CDCA7L: variants seen among roughly 807,000 people sequenced by gnomAD.
CDCA7L encodes cell division cycle-associated 7-like protein.
Under a neutral mutation model 57.4 loss-of-function variants are expected in CDCA7L, and 44 were observed. The ratio of observed to expected loss-of-function variants is 0.77; its 90% CI spans 0.60 to 0.98. The LOEUF is 0.98. CDCA7L is among the 50% of genes least tolerant of loss of function. The pLI is 0.00. For missense variants in CDCA7L, 644 were observed against 580.6 expected, an observed-to-expected ratio of 1.11 and a Z score of -1.12; for synonymous variants, 236 against 202.8, an observed-to-expected ratio of 1.16 and a Z score of -1.39.
intron 1 of CDCA7L, among the ~76,000 whole-genome samples, chr7:21,934,883 C>A (rs1786118250): frequency 6.6e-6 from 1 of 152,156 alleles, no homozygotes; most frequent in African/African-American, 2.4e-5. Flanking sequence ...AATATATACA[C>A]ACACCAAACA....
At chr7:21,913,085 A>T (rs2128060544) in intron 2 of CDCA7L, among the ~76,000 whole-genome samples, 1 of 152,180 alleles carries the variant, frequency 6.6e-6, no homozygotes, top group South Asian at 2.1e-4. Flanking sequence ...CTTGGCGGGG[A>T]ATCTGTATCT....
intron 8 of CDCA7L, chr7:21,903,696 GGTAACA>G (rs1785026107): frequency 8.4e-6 from 1 of 118,706 alleles, no homozygotes; most frequent in African/African-American, 3.7e-5. Flanking sequence ...ACAAATTTAT[GGTAACA>G]GAGTGAGCGA....
At chr7:21,925,965 A>G (rs1469373431) in intron 1 of CDCA7L, among the ~76,000 whole-genome samples, 5 of 152,180 alleles carry the variant, frequency 3.3e-5, no homozygotes, top group Non-Finnish European at 5.9e-5. Context: ...ACAGCCAGAC[A>G]CAGAGGCACA....
intron 1 of CDCA7L, among the ~76,000 whole-genome samples, chr7:21,928,671 A>G (rs1218574314): frequency 6.6e-6 from 1 of 151,890 alleles, no homozygotes; most frequent in East Asian, 1.9e-4. Flanking sequence ...AAGTATCAAT[A>G]GCCAAATCGA....
intron 1 of CDCA7L, among the ~76,000 whole-genome samples, chr7:21,918,686 G>C (rs1785564277): frequency 7.2e-6 from 1 of 139,090 alleles, no homozygotes; most frequent in Non-Finnish European, 1.6e-5. Context: ...TAGTTGGCTT[G>C]CTTTTGCCAA....
chr7:21,904,435 C>T (rs1785064413), intron 7 of CDCA7L, among the ~76,000 whole-genome samples, 176 bp from the exon 8 acceptor site: 1 of 152,190 alleles, frequency 6.6e-6, no homozygotes, highest in Non-Finnish European at 1.5e-5. Flanking sequence ...CCCCAGCCCC[C>T]AGGCTAGAAC....
In CDCA7L at chr7:21,905,521, G is replaced by T. The variant is rs770133053; in HGVS notation, c.1032C>A (p.Ile344=). The T allele has an allele frequency of 6.2e-7, 1 of 1,613,482 alleles. No homozygotes were observed. The highest frequency in any genetic ancestry group is 1.7e-5 in the Admixed American group (1 of 59,990). Residue 344 remains isoleucine, a synonymous_variant, in exon 7 of 10, where the codon ATC becomes ATA. Transcript: ENST00000406877. ...ENVAITVRDK[I]YDKVLGNTCH... The stretch of plus-strand genomic sequence containing the variant: ...TATACTTTACCAGAACTTTATCATA[G>T]ATTTTATCTCGAACAGTTATGGCAA...
intron 1 of CDCA7L, among the ~76,000 whole-genome samples, chr7:21,939,510 TG>T (rs1185141560): frequency 5.3e-5 from 8 of 152,294 alleles, no homozygotes; most frequent in Non-Finnish European, 7.4e-5. Flanking sequence ...GGGAGTGAAG[TG>T]AACCAAATCA....
rs1468481654 is a variant in CDCA7L at position 21,901,260 on chromosome 7, C to T, written c.*1062G>A. 3 of 1,596,876 alleles carry T rather than the reference C, an allele frequency of 1.9e-6. No homozygotes were observed. Among genetic ancestry groups the T allele is most frequent in the South Asian group, 2.3e-5 (2 of 87,360 alleles). On this transcript the variant is annotated 3_prime_UTR_variant, in exon 10 of 10. Coordinates refer to ENST00000406877, the MANE Select transcript of CDCA7L (RefSeq NM_018719.5). ...CTCTGCTTCTAGAAGCGTAAGGTAA[C>T]ACTGGCATTCCTCTAGCCTCTGCTG...
At position 21,901,254 on chromosome 7, in the gene CDCA7L, A is replaced by AGGTAACACTGGCATTCCTCT; in HGVS notation, c.*1048_*1067dup. On this transcript the variant is annotated 3_prime_UTR_variant, in exon 10 of 10. Coordinates refer to ENST00000406877, the MANE Select transcript of CDCA7L (RefSeq NM_018719.5). ...GAGTGGCTCTGCTTCTAGAAGCGTAAGGTAACACTGGCATTCCTCTAGCCT... is the reference window on the plus strand; with the variant it reads ...GAGTGGCTCTGCTTCTAGAAGCGTAAGGTAACACTGGCATTCCTCTGGTAACACTGGCATTCCTCTAGCCT... 6.2e-7 allele frequency: 1 copy of AGGTAACACTGGCATTCCTCT among 1,600,572 alleles called. No homozygotes were observed.
intron 1 of CDCA7L, among the ~76,000 whole-genome samples, chr7:21,936,694 CAACT>C (rs1334497506): frequency 1.3e-5 from 2 of 151,684 alleles, no homozygotes; most frequent in African/African-American, 2.4e-5. Context: ...GAAAAACCCG[CAACT>C]AACAAGATAC....
Position 21,902,999 on chromosome 7 carries a change from T to C in CDCA7L, c.1313A>G (p.Asn438Ser). The change falls in exon 9 of 10, where the codon AAT (asparagine) becomes AGT (serine). Residue 438 changes from asparagine (N) to serine (S), a missense_variant. Physicochemically the swap from Asn to Ser is conservative, Grantham distance 46. Transcript: ENST00000406877. Reference protein sequence around the residue: ...IHLAKFYGYDNVKEYLESLQK... With the variant: ...IHLAKFYGYDSVKEYLESLQK... ...TTACCTCTCCAGATATTCCTTAACATTGTCATAACCATAAAACTTGGCCAG... is the reference window on the plus strand; with the variant it reads ...TTACCTCTCCAGATATTCCTTAACACTGTCATAACCATAAAACTTGGCCAG... The C allele has an allele frequency of 6.2e-7, 1 of 1,614,088 alleles. No homozygotes were observed. The highest frequency in any genetic ancestry group is 2.2e-5 in the East Asian group (1 of 44,884).
chr7:21,914,449 C>T (rs1317891398), intron 2 of CDCA7L, among the ~76,000 whole-genome samples: 2 of 152,004 alleles, frequency 1.3e-5, no homozygotes, highest in Non-Finnish European at 2.9e-5. Context: ...ATATGGCACA[C>T]GGAGGGAAAG....
intron 8 of CDCA7L, 99 bp downstream of exon 8, chr7:21,904,011 T>TGGAGCTCCCTAGTTCCCAGTGAGAACCAG (rs1216138901): frequency 2.6e-6 from 3 of 1,163,040 alleles, no homozygotes; most frequent in Non-Finnish European, 3.4e-6. Context: ...ACCAGAGTTC[T>TGGAGCTCCCTAGTTCCCAGTGAGAACCAG]GGAGCTCCCT....
intron 2 of CDCA7L, among the ~76,000 whole-genome samples, chr7:21,912,061 A>T (rs542587255): frequency 1.3e-4 from 20 of 152,216 alleles, no homozygotes; most frequent in African/African-American, 4.6e-4. Context: ...CAGGAGTTCA[A>T]GACCAGCCTG....
chr7:21,900,983 G>A lies in CDCA7L; in HGVS notation c.*1339C>T, dbSNP rs1784787017. 1.9e-6 allele frequency: 3 copies of A among 1,547,276 alleles called. No homozygotes were observed. The highest frequency in any genetic ancestry group is 2.6e-6 in the Non-Finnish European group (3 of 1,147,696). On this transcript the variant is annotated 3_prime_UTR_variant, in exon 10 of 10. Transcript: ENST00000406877. ...ATTAGTAGCAAGCTGCCACACAATTGCAACCGCTGTGTTTTTGCCATAGGC... is the reference window on the plus strand; with the variant it reads ...ATTAGTAGCAAGCTGCCACACAATTACAACCGCTGTGTTTTTGCCATAGGC...
At chr7:21,912,273 G>T (rs1217118806) in intron 2 of CDCA7L, among the ~76,000 whole-genome samples, 1 of 152,054 alleles carries the variant, frequency 6.6e-6, no homozygotes, top group Non-Finnish European at 1.5e-5. Flanking sequence ...CCAGCCGGGT[G>T]ACAGAGTGAG....
intron 4 of CDCA7L, among the ~76,000 whole-genome samples, chr7:21,907,506 A>G (rs995648601): frequency 7.2e-4 from 109 of 152,358 alleles, no homozygotes; most frequent in African/African-American, 2.6e-3. Flanking sequence ...GAAGCAAACA[A>G]TGATTCTCTA....
intron 3 of CDCA7L, among the ~76,000 whole-genome samples, chr7:21,910,306 C>T (rs955952753): frequency 8.5e-5 from 13 of 152,302 alleles, no homozygotes; most frequent in East Asian, 3.9e-4. Flanking sequence ...GGAACTGCCA[C>T]ACAAACAGCT....
Sources: allele counts gnomAD v4.1 joint callset (sites outside exome capture counted in the v4.1 genomes callset), GRCh38; gene constraint gnomAD v4.1.1; transcripts MANE v1.5; gene names NCBI Gene and HGNC (gene_info 2026-07-23, HGNC 2026-07-21).